The following FERMT1 variants were observed in gnomAD, a reference collection of about 807,000 sequenced individuals.
FERMT1 encodes fermitin family homolog 1.
FERMT1 carries 60 observed loss-of-function variants against 85.3 expected under a neutral mutation model. That is an observed-to-expected ratio of 0.70 (90% CI 0.57 to 0.87). FERMT1 has a LOEUF of 0.87. Among genes scored for constraint, FERMT1 ranks in the 40% least tolerant of loss-of-function variants. The probability of loss-of-function intolerance (pLI) is 0.00; values close to 1 mark genes in which losing one functional copy is unlikely to be tolerated. For synonymous variants in FERMT1, 275 were observed against 301.1 expected (o/e 0.91, Z 0.90); for missense variants, 701 against 818.9 (o/e 0.86, Z 1.76).
intron 1 of FERMT1, among the ~76,000 whole-genome samples, chr20:6,121,320 C>T (rs1174047823): frequency 2.0e-5 from 3 of 152,182 alleles, no homozygotes; most frequent in Non-Finnish European, 4.4e-5. Context: ...CAGGGTTTCA[C>T]CATGCTGGCC....
At chr20:6,085,342 C>G in intron 11 of FERMT1, 55 bp from the exon 12 acceptor site, 1 of 1,489,542 alleles carries the variant, frequency 6.7e-7, no homozygotes, top group South Asian at 1.1e-5. Context: ...CCCTGCTGCA[C>G]ACAGAGGGGG....
intron 6 of FERMT1, among the ~76,000 whole-genome samples, chr20:6,106,774 TCAG>T (rs1227972444): frequency 6.6e-6 from 1 of 152,212 alleles, no homozygotes; most frequent in Non-Finnish European, 1.5e-5. Context: ...TCCCTTTCCC[TCAG>T]TTCCAAAGAG....
intron 14 of FERMT1, 111 bp downstream of exon 14, chr20:6,079,325 G>A (rs1425499917): frequency 1.8e-6 from 2 of 1,135,604 alleles, no homozygotes; most frequent in African/African-American, 3.1e-5. Context: ...ATATGCTTGT[G>A]GTTTCTTAGG....
At chr20:6,089,345 G>A (rs1982282118) in intron 9 of FERMT1, among the ~76,000 whole-genome samples, 1 of 152,212 alleles carries the variant, frequency 6.6e-6, no homozygotes, top group Non-Finnish European at 1.5e-5. Context: ...GAAAGATCCT[G>A]CACTTACCTG....
At chr20:6,083,417 C>G (rs887363781) in intron 13 of FERMT1, among the ~76,000 whole-genome samples, 1 of 152,118 alleles carries the variant, frequency 6.6e-6, no homozygotes, top group Non-Finnish European at 1.5e-5. Flanking sequence ...AGGGTTGCTA[C>G]CTGATAAACC....
intron 6 of FERMT1, among the ~76,000 whole-genome samples, chr20:6,102,000 T>C (rs1982671808): frequency 6.6e-6 from 1 of 152,166 alleles, no homozygotes; most frequent in African/African-American, 2.4e-5. Flanking sequence ...GTAAAATATA[T>C]GTAACATAAT....
chr20:6,122,007 C>G (rs912013269), intron 1 of FERMT1, among the ~76,000 whole-genome samples: 3 of 152,114 alleles, frequency 2.0e-5, no homozygotes, highest in African/African-American at 7.2e-5. Context: ...ATTGTGAAGT[C>G]TAGTTATTTA....
chr20:6,103,682 T>G (rs1396515560), intron 6 of FERMT1, among the ~76,000 whole-genome samples: 1 of 151,990 alleles, frequency 6.6e-6, no homozygotes, highest in African/African-American at 2.4e-5. Flanking sequence ...GTCTTCTTAT[T>G]ACTGATTTTT....
Position 6,089,035 on chromosome 20 carries a change from G to A in FERMT1, c.1194C>T (p.Asp398=). 6.2e-7 allele frequency: 1 copy of A among 1,610,808 alleles called. No individual in the cohort carries two copies. The highest frequency in any genetic ancestry group is 8.5e-7 in the Non-Finnish European group (1 of 1,177,290). ...TATTTTTAAAGTATGCTATGGATGT[G>A]TCTTTAAAGATAAACCAATATTGTT... is the stretch of plus-strand genomic sequence containing the variant. ...AFKQYWFIFK[D]TSIAYFKNKE... The change falls in exon 10 of 15, where the codon GAC becomes GAT. Residue 398 remains aspartate (D), a synonymous_variant. Coordinates refer to ENST00000217289, the MANE Select transcript of FERMT1 (RefSeq NM_017671.5).
chr20:6,109,686 G>C (rs1982891200), intron 5 of FERMT1, among the ~76,000 whole-genome samples: 2 of 152,014 alleles, frequency 1.3e-5, no homozygotes, highest in Non-Finnish European at 2.9e-5. Context: ...GATTACCTGA[G>C]GTCAGGAGTT....
chr20:6,081,423 A>G (rs929059853), intron 13 of FERMT1, among the ~76,000 whole-genome samples: 3 of 152,178 alleles, frequency 2.0e-5, no homozygotes. Context: ...AAGTGATGCA[A>G]GTTGGCAAAG....
At chr20:6,113,183 A>G (rs1362172955) in intron 3 of FERMT1, among the ~76,000 whole-genome samples, 3 of 152,166 alleles carry the variant, frequency 2.0e-5, no homozygotes, top group Non-Finnish European at 4.4e-5. Context: ...TCCCCGCACA[A>G]GCTCTCTCTT....
rs1402330893 is a variant in FERMT1, at chr20:6,104,362, TTTC to T, written c.849+3167_849+3169del. On this transcript the variant is annotated intron_variant, in intron 6 of 14. Coordinates refer to ENST00000217289, the MANE Select transcript of FERMT1 (RefSeq NM_017671.5). This position sits in a 1 kb window ranked among gnomAD's most constrained non-coding sequence, Gnocchi z 4.2. ...ATTTGCAGTGGCTTCATGGGTGTTC[TTTC>T]TTCTTCTTAGATTTGATTGTAGCTG... 1.3e-5 allele frequency among the ~76,000 whole-genome samples: 2 copies of T among 152,334 alleles called. No individual in the cohort carries two copies. Among genetic ancestry groups the T allele is most frequent in the South Asian group, 4.1e-4 (2 of 4,830 alleles).
At chr20:6,103,439 A>G (rs773914550) in intron 6 of FERMT1, among the ~76,000 whole-genome samples, 3 of 152,160 alleles carry the variant, frequency 2.0e-5, no homozygotes, top group Non-Finnish European at 4.4e-5. Context: ...AACACCTAGG[A>G]GTGGATTTGC....
chr20:6,082,898 A>T (rs1447548652), intron 13 of FERMT1, among the ~76,000 whole-genome samples: 1 of 152,060 alleles, frequency 6.6e-6, no homozygotes, highest in Non-Finnish European at 1.5e-5. Flanking sequence ...GAGCTCAGGC[A>T]ATCCGTCCAC....
intron 9 of FERMT1, among the ~76,000 whole-genome samples, chr20:6,093,417 T>C (rs565902271): frequency 1.3e-5 from 2 of 152,344 alleles, no homozygotes; most frequent in Non-Finnish European, 2.9e-5. Flanking sequence ...ATAAGTGATA[T>C]GGATTCAACT....
intron 7 of FERMT1, 22 bp from the exon 8 acceptor site, chr20:6,097,055 T>TAGAAATGTTATAAAC (rs1316731891): frequency 6.2e-7 from 1 of 1,610,206 alleles, no homozygotes; most frequent in African/African-American, 1.3e-5. Context: ...ACAGACGTTT[T>TAGAAATGTTATAAAC]AGAAATGTTA....
At chr20:6,113,155 A>AAT (rs1983005998) in intron 3 of FERMT1, among the ~76,000 whole-genome samples, 2 of 152,012 alleles carry the variant, frequency 1.3e-5, no homozygotes, top group Non-Finnish European at 2.9e-5. Flanking sequence ...ATGAGATCTG[A>AAT]TGGTTTTATA....
chr20:6,084,662 CATG>C (rs1407809677), intron 12 of FERMT1, among the ~76,000 whole-genome samples: 1 of 151,682 alleles, frequency 6.6e-6, no homozygotes, highest in Non-Finnish European at 1.5e-5. Context: ...CTGATTTTTT[CATG>C]ATGATACTCT....
Sources: gnomAD v4.1 joint callset for allele counts (sites outside exome capture counted in the v4.1 genomes callset) on GRCh38, gnomAD v4.1.1 for gene constraint, Gnocchi (gnomAD v3.1) non-coding constraint, MANE v1.5 for transcripts, NCBI Gene and HGNC (gene_info 2026-07-23, HGNC 2026-07-21) for gene names.